ST6GALNAC5: variants seen among roughly 807,000 people sequenced by gnomAD.
ST6GALNAC5 encodes alpha-N-acetylgalactosaminide alpha-2,6-sialyltransferase 5.
A neutral mutation model predicts 33.6 loss-of-function variants in ST6GALNAC5; 27 were observed. The observed-to-expected ratio is 0.80, with a 90% CI of 0.59 to 1.11. The LOEUF is 1.11. Ranked by LOEUF, ST6GALNAC5 falls within the 50% of genes least tolerant of loss-of-function variation. The pLI, the probability that ST6GALNAC5 is intolerant of heterozygous loss-of-function variation, is 0.00. For synonymous variants in ST6GALNAC5, 194 were observed against 171.2 expected, an observed-to-expected ratio of 1.13 and a Z score of -1.04; for missense variants, 428 against 454.0, an observed-to-expected ratio of 0.94 and a Z score of 0.52.
At chr1:76,880,534 A>G (rs1336058444) in intron 2 of ST6GALNAC5, among the ~76,000 whole-genome samples, 2 of 152,192 alleles carry the variant, frequency 1.3e-5, no homozygotes, top group African/African-American at 4.8e-5. Flanking sequence ...CACAAGCTTG[A>G]GGAACAAAAA....
intron 2 of ST6GALNAC5, among the ~76,000 whole-genome samples, chr1:76,906,185 T>C (rs1184034445): frequency 6.6e-6 from 1 of 152,156 alleles, no homozygotes; most frequent in Non-Finnish European, 1.5e-5. Flanking sequence ...TGCCAACACT[T>C]CTTTCTGCTG....
intron 2 of ST6GALNAC5, among the ~76,000 whole-genome samples, chr1:77,002,454 T>G (rs1189442394): frequency 6.6e-6 from 1 of 151,890 alleles, no homozygotes; most frequent in African/African-American, 2.4e-5. Context: ...CCTGGATTCA[T>G]TAATTTTTTG....
At chr1:77,034,970 GC>G (rs1280875018) in intron 2 of ST6GALNAC5, among the ~76,000 whole-genome samples, 1 of 152,110 alleles carries the variant, frequency 6.6e-6, no homozygotes, top group East Asian at 1.9e-4. Flanking sequence ...AAATCCCATA[GC>G]CCCCTGAGGT....
chr1:77,011,185 A>G (rs1176264210), intron 2 of ST6GALNAC5, among the ~76,000 whole-genome samples: 1 of 152,208 alleles, frequency 6.6e-6, no homozygotes, highest in Non-Finnish European at 1.5e-5. Flanking sequence ...TAGGACAATG[A>G]CGATGAGGCT....
chr1:76,964,478 T>C (rs1190831962), intron 2 of ST6GALNAC5, among the ~76,000 whole-genome samples: 1 of 152,130 alleles, frequency 6.6e-6, no homozygotes, highest in Non-Finnish European at 1.5e-5. Flanking sequence ...GGCCCCGAAG[T>C]TCCCCCTCAG....
rs540434776 is a variant in ST6GALNAC5 at position 77,054,555 on chromosome 1, G to T, written c.779+4190G>T. On this transcript the variant is annotated intron_variant, in intron 4 of 4. Transcript: ENST00000477717. ...CTCTTTCACACTTTTCAGGAGAGTA[G>T]AATCATCACCTTATTATTGTCCCAA... is the stretch of plus-strand genomic sequence containing the variant. Among the ~76,000 whole-genome samples, 5 of 152,290 alleles carry T rather than the reference G, an allele frequency of 3.3e-5. No individual in the cohort carries two copies. The East Asian group carries it at 5.8e-4, about 18-fold the overall frequency.
intron 2 of ST6GALNAC5, among the ~76,000 whole-genome samples, chr1:76,936,558 G>A (rs1027171238): frequency 6.6e-6 from 1 of 151,980 alleles, no homozygotes; most frequent in Non-Finnish European, 1.5e-5. Context: ...TTCACAGAAG[G>A]ACATTCTTTC....
chr1:76,988,325 A>G (rs1264307030), intron 2 of ST6GALNAC5, among the ~76,000 whole-genome samples: 1 of 151,888 alleles, frequency 6.6e-6, no homozygotes, highest in Non-Finnish European at 1.5e-5. Context: ...CCTTGCCAAT[A>G]TTTTAATTAA....
chr1:76,895,157 T>C (rs996627144), intron 2 of ST6GALNAC5, among the ~76,000 whole-genome samples: 1 of 152,162 alleles, frequency 6.6e-6, no homozygotes, highest in Non-Finnish European at 1.5e-5. Context: ...GAACCGGCCA[T>C]CTGGATGTGT....
intron 2 of ST6GALNAC5, among the ~76,000 whole-genome samples, chr1:76,926,464 C>T (rs1647086295): frequency 6.6e-6 from 1 of 152,054 alleles, no homozygotes; most frequent in Admixed American, 6.6e-5. Flanking sequence ...CTCTTTTATT[C>T]AGTTGAATTT....
In ST6GALNAC5 at chr1:76,867,601, A is replaced by G; in HGVS notation, c.-75A>G. 1 of 1,612,586 alleles carries G rather than the reference A, an allele frequency of 6.2e-7. No homozygotes were observed. Among genetic ancestry groups the G allele is most frequent in the Non-Finnish European group, 8.5e-7 (1 of 1,178,718 alleles). On this transcript the variant is annotated 5_prime_UTR_variant, in exon 1 of 5. Coordinates refer to ENST00000477717, the MANE Select transcript of ST6GALNAC5 (RefSeq NM_030965.3). Reference sequence around the variant, plus strand: ...CAGAGCCGCCTCCGCCCCATTACCCATCATGGAAACCCTCCAGGAAAAAGT... The same window carrying G: ...CAGAGCCGCCTCCGCCCCATTACCCGTCATGGAAACCCTCCAGGAAAAAGT...
chr1:77,033,625 A>C (rs2100450763), intron 2 of ST6GALNAC5, among the ~76,000 whole-genome samples: 1 of 152,194 alleles, frequency 6.6e-6, no homozygotes, highest in South Asian at 2.1e-4. Context: ...TTATAGAATA[A>C]GTGGGGGAGG....
At chr1:76,886,621 G>A (rs771129987) in intron 2 of ST6GALNAC5, among the ~76,000 whole-genome samples, 2 of 152,216 alleles carry the variant, frequency 1.3e-5, no homozygotes, top group East Asian at 1.9e-4. Flanking sequence ...TCCTTTGGCC[G>A]TTAGATTGAA....
At chr1:77,022,558 T>C (rs1412701915) in intron 2 of ST6GALNAC5, among the ~76,000 whole-genome samples, 3 of 152,192 alleles carry the variant, frequency 2.0e-5, no homozygotes. Flanking sequence ...TATTAGTTTA[T>C]AGGAAACTCA....
At chr1:76,966,840 A>G (rs1243981140) in intron 2 of ST6GALNAC5, among the ~76,000 whole-genome samples, 1 of 152,244 alleles carries the variant, frequency 6.6e-6, no homozygotes, top group Non-Finnish European at 1.5e-5. Flanking sequence ...CCTTTTCTGC[A>G]TCTATTGAGA....
Position 77,065,181 on chromosome 1 carries a change from C to A in ST6GALNAC5, c.*1975C>A, listed in dbSNP as rs1570156434. 1 of 152,230 alleles carries A rather than the reference C, an allele frequency of 6.6e-6. No homozygotes were observed. Among genetic ancestry groups the A allele is most frequent in the Non-Finnish European group, 1.5e-5 (1 of 68,004 alleles). 9.4% of individuals were successfully genotyped at this position (152,230 alleles called of 1,614,324 possible). A position where few individuals can be genotyped will look rare whatever the true frequency, so the allele number is the denominator to read the frequency against. On this transcript the variant is annotated 3_prime_UTR_variant, in exon 5 of 5. Coordinates refer to ENST00000477717, the MANE Select transcript of ST6GALNAC5 (RefSeq NM_030965.3). ...TAATTTTATACAATTTACTTATAGG[C>A]CACCTTTATAATCACTTGAAGACGT... is the stretch of plus-strand genomic sequence containing the variant.
intron 2 of ST6GALNAC5, among the ~76,000 whole-genome samples, chr1:76,882,042 A>G (rs1055406715): frequency 6.6e-6 from 1 of 152,234 alleles, no homozygotes; most frequent in Non-Finnish European, 1.5e-5. Flanking sequence ...GACAGAATTT[A>G]TTAAAATGAA....
chr1:77,045,051 G>A (rs1651963334), intron 3 of ST6GALNAC5, among the ~76,000 whole-genome samples: 1 of 152,098 alleles, frequency 6.6e-6, no homozygotes, highest in African/African-American at 2.4e-5. Flanking sequence ...CTTGGCCCTG[G>A]GGAAACAGTC....
At chr1:76,926,788 C>T (rs554745583) in intron 2 of ST6GALNAC5, among the ~76,000 whole-genome samples, 2 of 152,088 alleles carry the variant, frequency 1.3e-5, no homozygotes, top group African/African-American at 4.8e-5. Flanking sequence ...ACTAGCAATA[C>T]AGGAAAAGAT....
Sources: allele counts gnomAD v4.1 joint callset (sites outside exome capture counted in the v4.1 genomes callset), GRCh38; gene constraint gnomAD v4.1.1; transcripts MANE v1.5; gene names NCBI Gene and HGNC (gene_info 2026-07-23, HGNC 2026-07-21).